COL13A1: variants seen among roughly 807,000 people sequenced by gnomAD.
COL13A1 encodes the protein collagen type XIII alpha 1 chain.
In COL13A1, 89 loss-of-function variants were observed where a neutral mutation model predicts 130.9. The ratio of observed to expected loss-of-function variants is 0.68; its 90% CI spans 0.57 to 0.81. COL13A1 has a LOEUF of 0.81. Ranked by LOEUF, COL13A1 falls within the 30% of genes least tolerant of loss-of-function variation. The pLI, the probability that COL13A1 is intolerant of heterozygous loss-of-function variation, is 0.00. For synonymous variants in COL13A1, 402 were observed against 341.6 expected (o/e 1.18, Z -1.95); for missense variants, 879 against 934.6 (o/e 0.94, Z 0.78).
chr10:69,848,746 C>T (rs1853848820), intron 2 of COL13A1, among the ~76,000 whole-genome samples: 1 of 152,330 alleles, frequency 6.6e-6, no homozygotes, highest in South Asian at 2.1e-4. Flanking sequence ...GATGCCCTCC[C>T]CTTATGAAAA....
At chr10:69,957,966 G>A (rs939296960) in intron 40 of COL13A1, among the ~76,000 whole-genome samples, 1 of 152,142 alleles carries the variant, frequency 6.6e-6, no homozygotes, top group Admixed American at 6.5e-5. Context: ...CACTTACAAT[G>A]AGATGAACAA....
chr10:69,925,585 G>A (rs1031598657), intron 25 of COL13A1, among the ~76,000 whole-genome samples: 2 of 152,154 alleles, frequency 1.3e-5, no homozygotes, highest in Non-Finnish European at 1.5e-5. Flanking sequence ...TTCCCAGGTC[G>A]GCCTAGCCCA....
intron 35 of COL13A1, among the ~76,000 whole-genome samples, chr10:69,941,615 G>A (rs16927101): frequency 0.012 from 1,808 of 152,238 alleles, 29 homozygotes; most frequent in South Asian, 0.065. Context: ...CAGCACAGTC[G>A]CCCTGCAACC....
chr10:69,931,308 G>A (rs71480621), intron 30 of COL13A1: 1 of 437,688 alleles, frequency 2.3e-6, no homozygotes, highest in Non-Finnish European at 4.6e-6. Context: ...CCACAGATGA[G>A]GGTCCTCCTG....
chr10:69,926,017 G>A lies in COL13A1; in HGVS notation c.1398+145G>A, dbSNP rs559604530. On this transcript the variant is annotated intron_variant, in intron 26 of 40. Coordinates refer to ENST00000645393, the MANE Select transcript of COL13A1 (RefSeq NM_001368882.1). The stretch of plus-strand genomic sequence containing the variant: ...GCGCTTCCAGGAGAGCTGCTTCCTC[G>A]CTTTCTCTCCTTTGACCTCCCGCTG... 72 of 662,052 alleles carry A rather than the reference G, an allele frequency of 1.1e-4. 1 individual carries two copies. The highest frequency in any genetic ancestry group is 1.0e-3 in the South Asian group (54 of 52,696). The allele number at this position is 662,052 out of a possible 1,614,324, so 41.0% of individuals were successfully genotyped here. A position where few individuals can be genotyped will look rare whatever the true frequency, so the allele number is the denominator to read the frequency against.
At chr10:69,953,336 T>C (rs2069974112) in intron 39 of COL13A1, among the ~76,000 whole-genome samples, 1 of 152,210 alleles carries the variant, frequency 6.6e-6, no homozygotes, top group Non-Finnish European at 1.5e-5. Flanking sequence ...CCTTCTTCGT[T>C]TCATGGCCAC....
chr10:69,875,708 T>C (rs777247605), intron 5 of COL13A1, among the ~76,000 whole-genome samples: 1 of 152,186 alleles, frequency 6.6e-6, no homozygotes, highest in East Asian at 1.9e-4. Flanking sequence ...AAAGTGAAGA[T>C]AGAGAAGGGG....
At chr10:69,956,261 A>G (rs1291260535) in intron 39 of COL13A1, 2 of 152,282 alleles carry the variant, frequency 1.3e-5, no homozygotes, top group African/African-American at 2.4e-5. Flanking sequence ...GAAAGTTTCT[A>G]TCACCAAGGG....
intron 2 of COL13A1, chr10:69,824,189 T>C: frequency 2.1e-6 from 1 of 471,428 alleles, no homozygotes; most frequent in South Asian, 1.6e-5. Context: ...TAGAGATTCC[T>C]CGAGATAATC....
chr10:69,828,643 C>A (rs1199078866), intron 2 of COL13A1, among the ~76,000 whole-genome samples: 1 of 152,172 alleles, frequency 6.6e-6, no homozygotes, highest in Admixed American at 6.5e-5. Flanking sequence ...ACCTAGTGAA[C>A]TCTTCACCCC....
At chr10:69,851,357 C>G (rs1398178006) in intron 2 of COL13A1, among the ~76,000 whole-genome samples, 2 of 152,172 alleles carry the variant, frequency 1.3e-5, no homozygotes, top group Admixed American at 6.5e-5. Flanking sequence ...TTCCCAGTGC[C>G]CTGGGGGAAA....
chr10:69,957,213 A>G (rs2070912812), intron 40 of COL13A1, among the ~76,000 whole-genome samples, 171 bp downstream of exon 40: 1 of 152,216 alleles, frequency 6.6e-6, no homozygotes, highest in African/African-American at 2.4e-5. Flanking sequence ...TGCTGTTAAC[A>G]AACATTTTAA....
chr10:69,879,104 C>A lies in COL13A1; in HGVS notation c.462+1039C>A, dbSNP rs545740408. 2.0e-5 allele frequency among the ~76,000 whole-genome samples: 3 copies of A among 152,352 alleles called. No homozygotes were observed. In the South Asian group the frequency reaches 6.2e-4, roughly 32 times the overall value. On this transcript the variant is annotated intron_variant, in intron 6 of 40. Transcript: ENST00000645393. The stretch of plus-strand genomic sequence containing the variant: ...CTTTTCAGGGAAGCTTTAATATTCT[C>A]ATTTACACGAGGCACAGAGAGGCCA...
intron 32 of COL13A1, 100 bp from the exon 33 acceptor site, chr10:69,936,656 G>C: frequency 7.0e-7 from 1 of 1,438,452 alleles, no homozygotes; most frequent in Admixed American, 1.8e-5. Context: ...ACCATACTCT[G>C]CACCCAAAAC....
chr10:69,927,147 G>A, intron 27 of COL13A1, 37 bp downstream of exon 27: 1 of 1,598,136 alleles, frequency 6.3e-7, no homozygotes. Flanking sequence ...TTGGGCACTG[G>A]ACGGGGGGGC....
At chr10:69,859,166 T>C (rs944761891) in intron 2 of COL13A1, among the ~76,000 whole-genome samples, 1 of 152,220 alleles carries the variant, frequency 6.6e-6, no homozygotes, top group Non-Finnish European at 1.5e-5. Context: ...TGTAAGGTGC[T>C]TGGCGCTGGT....
chr10:69,904,562 T>A (rs764907818), intron 15 of COL13A1, among the ~76,000 whole-genome samples: 5 of 152,116 alleles, frequency 3.3e-5, no homozygotes, highest in Non-Finnish European at 5.9e-5. Flanking sequence ...AACCGAGGCT[T>A]TGCTGGGCAA....
At chr10:69,820,188 T>A (rs1409106008) in intron 1 of COL13A1, among the ~76,000 whole-genome samples, 1 of 152,210 alleles carries the variant, frequency 6.6e-6, no homozygotes, top group Non-Finnish European at 1.5e-5. Flanking sequence ...CTGTTACACA[T>A]TTTTTGTTTT....
chr10:69,814,587 C>T (rs562684754), intron 1 of COL13A1, among the ~76,000 whole-genome samples: 14 of 152,288 alleles, frequency 9.2e-5, no homozygotes, highest in African/African-American at 2.6e-4. Flanking sequence ...AGCTGTCTTG[C>T]GTAGTCTAGC....
Sources: gnomAD v4.1 joint callset for allele counts (sites outside exome capture counted in the v4.1 genomes callset) on GRCh38, gnomAD v4.1.1 for gene constraint, MANE v1.5 for transcripts, NCBI Gene and HGNC (gene_info 2026-07-23, HGNC 2026-07-21) for gene names.